The following LINGO1 variants were observed in gnomAD, a reference collection of about 807,000 sequenced individuals.
LINGO1 encodes the protein leucine rich repeat and Ig domain containing 1.
In LINGO1, 11 loss-of-function variants were observed where a neutral mutation model predicts 37.3. The observed-to-expected ratio is 0.29, with a 90% CI of 0.19 to 0.49. LINGO1 has a LOEUF of 0.49. Among genes scored for constraint, LINGO1 ranks in the 20% least tolerant of loss-of-function variants. The pLI, the probability that LINGO1 is intolerant of heterozygous loss-of-function variation, is 0.99. For synonymous variants in LINGO1, 387 were observed against 403.0 expected, an observed-to-expected ratio of 0.96 and a Z score of 0.48; for missense variants, 585 against 878.2, an observed-to-expected ratio of 0.67 and a Z score of 4.22.
intron 1 of LINGO1, among the ~76,000 whole-genome samples, chr15:77,620,095 T>G (rs2073871804): frequency 6.6e-6 from 1 of 152,258 alleles, no homozygotes; most frequent in Non-Finnish European, 1.5e-5. Context: ...GAGTGGGCAA[T>G]GTGCCGCTCC....
intron 1 of LINGO1, among the ~76,000 whole-genome samples, chr15:77,808,918 T>C (rs1425110311): frequency 3.3e-5 from 5 of 152,142 alleles, no homozygotes; most frequent in South Asian, 2.1e-4. Flanking sequence ...ATGGCCCATA[T>C]ATGCGCACTC....
chr15:77,707,181 GGAGA>G (rs765340782), intron 2 of LINGO1, among the ~76,000 whole-genome samples: 2 of 152,190 alleles, frequency 1.3e-5, no homozygotes, highest in Non-Finnish European at 2.9e-5. Flanking sequence ...TGATGCTCCA[GGAGA>G]GAGAGAGGGA....
intron 2 of LINGO1, among the ~76,000 whole-genome samples, chr15:77,679,343 C>T (rs1435302016): frequency 6.6e-6 from 1 of 152,164 alleles, no homozygotes; most frequent in African/African-American, 2.4e-5. Context: ...CCATCTCTTC[C>T]ATCACGTGTG....
intron 3 of LINGO1, among the ~76,000 whole-genome samples, chr15:77,668,519 C>G (rs1270678048): frequency 6.6e-6 from 1 of 152,166 alleles, no homozygotes; most frequent in Non-Finnish European, 1.5e-5. Flanking sequence ...CGTGCATACC[C>G]CTATTCAGAG....
chr15:77,648,540 A>G (rs1232459576), intron 3 of LINGO1: 1 of 152,442 alleles, frequency 6.6e-6, no homozygotes, highest in Non-Finnish European at 1.5e-5. Flanking sequence ...TGCTGCTGCC[A>G]AGAGAACTTT....
chr15:77,758,866 CG>C (rs938460265), intron 1 of LINGO1, among the ~76,000 whole-genome samples: 1 of 150,552 alleles, frequency 6.6e-6, no homozygotes, highest in Admixed American at 6.6e-5. Context: ...CGGTCAGAAG[CG>C]GGGGGAGGAA....
At chr15:77,789,133 C>T (rs896289975), upstream of LINGO1, among the ~76,000 whole-genome samples, 12 of 152,198 alleles carry the variant, frequency 7.9e-5, no homozygotes, top group Non-Finnish European at 1.8e-4. Flanking sequence ...CTCTAGTCGC[C>T]TGCTGTTAGG....
intron 1 of LINGO1, among the ~76,000 whole-genome samples, chr15:77,693,278 C>T (rs1020166183): frequency 6.6e-6 from 1 of 152,190 alleles, no homozygotes; most frequent in Non-Finnish European, 1.5e-5. Flanking sequence ...TTGGTACTCT[C>T]ATGAGGACAG....
intron 3 of LINGO1, among the ~76,000 whole-genome samples, chr15:77,662,229 GCGT>G (rs1435975516): frequency 1.3e-5 from 2 of 152,174 alleles, no homozygotes; most frequent in East Asian, 3.9e-4. Context: ...CAGAGGGAAG[GCGT>G]GGTACTGGTA....
chr15:77,783,859 G>A (rs941620840), intron 1 of LINGO1, among the ~76,000 whole-genome samples: 8 of 152,202 alleles, frequency 5.3e-5, no homozygotes, highest in African/African-American at 1.7e-4. Flanking sequence ...CACTCCAGCC[G>A]GGAGTGGGAG....
At chr15:77,768,983 C>T (rs939728779) in intron 1 of LINGO1, among the ~76,000 whole-genome samples, 14 of 152,208 alleles carry the variant, frequency 9.2e-5, no homozygotes, top group Non-Finnish European at 4.4e-5. Context: ...TCCATAGAAC[C>T]CTGCTGTCAT....
intron 3 of LINGO1, among the ~76,000 whole-genome samples, chr15:77,665,830 C>T (rs900309484): frequency 6.6e-6 from 1 of 152,208 alleles, no homozygotes; most frequent in Admixed American, 6.5e-5. Flanking sequence ...GTACTCATTC[C>T]TCTCCCTCAG....
intron 1 of LINGO1, among the ~76,000 whole-genome samples, chr15:77,778,137 C>T (rs2076680115): frequency 1.3e-5 from 2 of 152,360 alleles, no homozygotes; most frequent in Middle Eastern, 3.4e-3. Context: ...TTCCTGGCCT[C>T]TTCCAGCTTT....
At chr15:77,680,402 A>G (rs1406468621) in intron 2 of LINGO1, among the ~76,000 whole-genome samples, 2 of 152,146 alleles carry the variant, frequency 1.3e-5, no homozygotes, top group African/African-American at 4.8e-5. Context: ...GGGGCAGGTC[A>G]CCTTGCTGCA....
intron 1 of LINGO1, among the ~76,000 whole-genome samples, chr15:77,765,363 C>T (rs944422746): frequency 1.8e-4 from 28 of 151,448 alleles, no homozygotes; most frequent in Middle Eastern, 3.4e-3. Context: ...TGCAATGAGC[C>T]GAGACCGTGC....
chr15:77,796,273 T>C (rs536245806), intron 1 of LINGO1, among the ~76,000 whole-genome samples: 151 of 152,282 alleles, frequency 9.9e-4, no homozygotes, highest in African/African-American at 3.5e-3. Flanking sequence ...CATAGATGTG[T>C]TGTCAATTGT....
chr15:77,758,584 G>T (rs1055151607), intron 1 of LINGO1, among the ~76,000 whole-genome samples: 2 of 152,132 alleles, frequency 1.3e-5, no homozygotes, highest in East Asian at 3.8e-4. Context: ...GGGCCAGGAG[G>T]ACAGCCAAGC....
At chr15:77,646,117 A>T (rs1596040761) in intron 3 of LINGO1, among the ~76,000 whole-genome samples, 1 of 152,196 alleles carries the variant, frequency 6.6e-6, no homozygotes, top group Non-Finnish European at 1.5e-5. Flanking sequence ...TGGAACAGAC[A>T]CCCAGCTGCC....
At chr15:77,662,873 G>A (rs960925531) in intron 3 of LINGO1, among the ~76,000 whole-genome samples, 5 of 152,154 alleles carry the variant, frequency 3.3e-5, no homozygotes, top group African/African-American at 4.8e-5. Flanking sequence ...GCTGACCACC[G>A]CACAGAACCC....
Sources: allele counts gnomAD v4.1 joint callset (sites outside exome capture counted in the v4.1 genomes callset), GRCh38; gene constraint gnomAD v4.1.1; transcripts MANE v1.5; gene names NCBI Gene and HGNC (gene_info 2026-07-23, HGNC 2026-07-21).